The following CEP85L variants were observed in gnomAD, a reference collection of about 807,000 sequenced individuals.
CEP85L encodes centrosomal protein of 85 kDa-like.
CEP85L carries 60 observed loss-of-function variants against 100.3 expected under a neutral mutation model. The ratio of observed to expected loss-of-function variants is 0.60; its 90% CI spans 0.49 to 0.74. CEP85L has a LOEUF of 0.74. Ranked by LOEUF, CEP85L falls within the 30% of genes least tolerant of loss-of-function variation. The pLI is 0.00. For synonymous variants in CEP85L, 319 were observed against 322.7 expected (o/e 0.99, Z 0.12); for missense variants, 973 against 936.2 (o/e 1.04, Z -0.51).
rs117093256 is a variant in CEP85L, at chr6:118,587,863, A to T, written c.233-21547T>A. Among the ~76,000 whole-genome samples, 126 of 152,316 alleles carry T rather than the reference A, an allele frequency of 8.3e-4. 1 individual carries two copies. In the East Asian group the frequency reaches 0.018, roughly 21 times the overall value. On this transcript the variant is annotated intron_variant, in intron 2 of 12. Coordinates refer to ENST00000368491, the MANE Select transcript of CEP85L (RefSeq NM_001042475.3). The stretch of plus-strand genomic sequence containing the variant: ...AAATATGGTTATCTTTATCCCAAGG[A>T]TGCCTCTATTATATGTAAAGAAAGG...
chr6:118,642,205 A>G (rs1225065997), intron 1 of CEP85L, among the ~76,000 whole-genome samples: 1 of 152,164 alleles, frequency 6.6e-6, no homozygotes, highest in African/African-American at 2.4e-5. Flanking sequence ...GCTGTTAGGC[A>G]TGTCTAAAAA....
chr6:118,707,361 T>G (rs1777625759), intron 1 of CEP85L, among the ~76,000 whole-genome samples: 1 of 151,982 alleles, frequency 6.6e-6, no homozygotes, highest in Non-Finnish European at 1.5e-5. Flanking sequence ...GCCCAGCTAA[T>G]TTTTGTATTT....
At chr6:118,508,202 G>A (rs1775770262) in intron 5 of CEP85L, among the ~76,000 whole-genome samples, 1 of 151,824 alleles carries the variant, frequency 6.6e-6, no homozygotes, top group African/African-American at 2.4e-5. Context: ...ATGTTCATTA[G>A]TACAGACTTG....
intron 3 of CEP85L, among the ~76,000 whole-genome samples, chr6:118,564,475 T>C (rs573545904): frequency 2.6e-5 from 4 of 152,356 alleles, no homozygotes; most frequent in Non-Finnish European, 4.4e-5. Flanking sequence ...TCTGTTTTGA[T>C]TGTGTTGTTT....
intron 2 of CEP85L, among the ~76,000 whole-genome samples, chr6:118,600,353 GT>G (rs1562298017): frequency 5.0e-5 from 7 of 139,480 alleles, no homozygotes; most frequent in South Asian, 4.8e-4. Context: ...GTGTGTGTGT[GT>G]GTGTGTGTGT....
rs151210437 is a variant in CEP85L at position 118,691,464 on chromosome 6, C to T, written c.-28+18572G>A. ...AGGAGAATCGCTTTAACCCAGGAGG[C>T]GGAGGTTGCAGTGAGCCAAGATCGC... is the stretch of plus-strand genomic sequence containing the variant. On this transcript the variant is annotated intron_variant, in intron 1 of 13. Coordinates refer to the CEP85L transcript ENST00000368488. Among the ~76,000 whole-genome samples, 108 of 149,026 alleles carry T rather than the reference C, an allele frequency of 7.2e-4. 1 individual carries two copies. The highest frequency in any genetic ancestry group is 2.7e-3 in the African/African-American group (107 of 40,132).
chr6:118,632,099 C>T (rs1259304064), intron 2 of CEP85L, among the ~76,000 whole-genome samples: 2 of 152,162 alleles, frequency 1.3e-5, no homozygotes, highest in Non-Finnish European at 2.9e-5. Context: ...ACGCCATTCT[C>T]GTGCCTCAGC....
intron 1 of CEP85L, among the ~76,000 whole-genome samples, chr6:118,708,455 G>A (rs1000530374): frequency 1.3e-5 from 2 of 152,172 alleles, no homozygotes; most frequent in East Asian, 1.9e-4. Flanking sequence ...AACTTTTCAC[G>A]AAACAAAATT....
At chr6:118,484,858 T>C (rs1426697914) in intron 6 of CEP85L, among the ~76,000 whole-genome samples, 1 of 152,212 alleles carries the variant, frequency 6.6e-6, no homozygotes, top group Non-Finnish European at 1.5e-5. Flanking sequence ...TAGGGGCAGA[T>C]AATGGACTAG....
At chr6:118,483,631 T>C (rs1773956347) in intron 7 of CEP85L, 75 bp downstream of exon 7, 4 of 1,420,776 alleles carry the variant, frequency 2.8e-6, no homozygotes, top group African/African-American at 1.4e-5. Context: ...ATTTAACTTA[T>C]AGTTAGCCAA....
chr6:118,705,347 A>T (rs1777561719), intron 1 of CEP85L, among the ~76,000 whole-genome samples: 1 of 152,222 alleles, frequency 6.6e-6, no homozygotes, highest in Non-Finnish European at 1.5e-5. Flanking sequence ...AAATAAGCAC[A>T]AAATATCTTT....
intron 1 of CEP85L, chr6:118,647,144 A>T: frequency 1.2e-6 from 1 of 809,692 alleles, no homozygotes; most frequent in Middle Eastern, 6.3e-4. Flanking sequence ...AGCAGAAAAC[A>T]ATATTATTAG....
intron 5 of CEP85L, among the ~76,000 whole-genome samples, chr6:118,500,131 C>A (rs1011701301): frequency 5.7e-5 from 8 of 140,166 alleles, no homozygotes; most frequent in Non-Finnish European, 1.1e-4. Context: ...TGAGACCTTG[C>A]CTCTACTAAA....
rs879231658 is a variant in CEP85L, at chr6:118,558,656, C to G, written c.1020+6873G>C. ...ACACACACACACACACACACACACACACACAGAGAGAGAGAGAGAGAGAGA... is the reference window on the plus strand; with the variant it reads ...ACACACACACACACACACACACACAGACACAGAGAGAGAGAGAGAGAGAGA... On this transcript the variant is annotated intron_variant, in intron 3 of 12. Transcript: ENST00000368491. 0.12 allele frequency among the ~76,000 whole-genome samples: 15,765 copies of G among 131,888 alleles called. 900 individuals are homozygous for G. The highest frequency in any genetic ancestry group is 0.15 in the Non-Finnish European group (9,398 of 63,130). 86.5% of individuals were successfully genotyped at this position (131,888 alleles called of 152,430 possible).
intron 1 of CEP85L, among the ~76,000 whole-genome samples, chr6:118,663,925 CTT>C (rs1310112453): frequency 3.7e-5 from 5 of 135,532 alleles, no homozygotes; most frequent in Non-Finnish European, 8.1e-5. Flanking sequence ...GAAGTTTTTC[CTT>C]TTTTTTTTTT....
chr6:118,609,781 G>A (rs9489464), intron 2 of CEP85L, among the ~76,000 whole-genome samples: 4,382 of 151,902 alleles, frequency 0.029, 105 homozygotes, highest in African/African-American at 0.056. Context: ...AAAAAAAAAC[G>A]TAGGTGGAAA....
chr6:118,578,644 A>T (rs1780384241), intron 2 of CEP85L, among the ~76,000 whole-genome samples: 2 of 152,018 alleles, frequency 1.3e-5, no homozygotes, highest in Non-Finnish European at 2.9e-5. Flanking sequence ...CAGGAGAATG[A>T]CTTGAACCCA....
chr6:118,501,954 C>A, intron 5 of CEP85L: 2 of 905,046 alleles, frequency 2.2e-6, no homozygotes, highest in South Asian at 1.5e-5. Flanking sequence ...AGCAGCTTGA[C>A]TGCATCATGA....
At chr6:118,494,448 A>G (rs1360621134) in intron 5 of CEP85L, among the ~76,000 whole-genome samples, 2 of 152,196 alleles carry the variant, frequency 1.3e-5, no homozygotes, top group African/African-American at 4.8e-5. Context: ...AGCTTAACGT[A>G]GTTGGGGTAA....
Sources: allele counts gnomAD v4.1 joint callset (sites outside exome capture counted in the v4.1 genomes callset), GRCh38; gene constraint gnomAD v4.1.1; transcripts MANE v1.5; gene names NCBI Gene and HGNC (gene_info 2026-07-23, HGNC 2026-07-21).